DNAH7: variants seen among roughly 807,000 people sequenced by gnomAD.
DNAH7 encodes dynein axonemal heavy chain 7.
Under a neutral mutation model 444.6 loss-of-function variants are expected in DNAH7, and 397 were observed. The observed-to-expected ratio is 0.89, with a 90% confidence interval of 0.82 to 0.97. The LOEUF (loss-of-function observed/expected upper bound fraction) is 0.97, where lower values mean the gene tolerates loss of function less well. DNAH7 is among the 50% of genes least tolerant of loss of function. DNAH7 has a pLI of 0.00. For missense variants in DNAH7, 4,902 were observed against 4,800.8 expected, an observed-to-expected ratio of 1.02 and a Z score of -0.62; for synonymous variants, 1,636 against 1,624.4, an observed-to-expected ratio of 1.01 and a Z score of -0.17.
At chr2:195,834,459 T>C in intron 47 of DNAH7, 99 bp from the exon 48 acceptor site, 1 of 1,287,100 alleles carries the variant, frequency 7.8e-7, no homozygotes, top group Non-Finnish European at 1.0e-6. Flanking sequence ...AAGTTTGCCC[T>C]TTATTGTAAT....
chr2:195,896,558 T>TAGA (rs536957037), intron 29 of DNAH7, among the ~76,000 whole-genome samples: 57 of 152,326 alleles, frequency 3.7e-4, no homozygotes, highest in African/African-American at 1.3e-3. Flanking sequence ...AATGGCAGCG[T>TAGA]AGAAGCAAGT....
chr2:195,817,904 T>C (rs1697298093), intron 49 of DNAH7, 75 bp from the exon 50 acceptor site: 2 of 1,212,728 alleles, frequency 1.6e-6, no homozygotes, highest in South Asian at 3.2e-5. Context: ...TGTCAAGTTC[T>C]GCCCTTAAAA....
At chr2:195,920,207 A>T (rs1687941216) in intron 24 of DNAH7, among the ~76,000 whole-genome samples, 1 of 152,214 alleles carries the variant, frequency 6.6e-6, no homozygotes, top group South Asian at 2.1e-4. Context: ...ACTAGAAAAA[A>T]AAATCCTAAA....
At chr2:195,766,028 T>G (rs1694559271) in intron 61 of DNAH7, among the ~76,000 whole-genome samples, 1 of 151,846 alleles carries the variant, frequency 6.6e-6, no homozygotes, top group Non-Finnish European at 1.5e-5. Context: ...TACACAACAG[T>G]GTATTATTCA....
rs1385842578 is a variant in DNAH7, at chr2:195,876,571, A to C, written c.6090T>G (p.Val2030=). The C allele has an allele frequency of 3.1e-6, 5 of 1,613,928 alleles. No individual in the cohort carries two copies. ...MSKLDKRRKG[V]FGPPLGKRMV... ...TTCTCTTGCCCAAAGGAGGACCAAA[A>C]ACTCCCTTTCTTCTCTTGTCCAATT... Residue 2030 remains valine (V), a synonymous_variant, in exon 37 of 65, where the codon GTT becomes GTG. Transcript: ENST00000312428.
chr2:195,989,226 A>T (rs1693135281), intron 12 of DNAH7, among the ~76,000 whole-genome samples: 1 of 152,178 alleles, frequency 6.6e-6, no homozygotes, highest in African/African-American at 2.4e-5. Flanking sequence ...GCTGTATCAT[A>T]TGGTTGTACT....
At chr2:196,031,314 C>T (rs1021313894) in intron 5 of DNAH7, among the ~76,000 whole-genome samples, 58 of 152,216 alleles carry the variant, frequency 3.8e-4, no homozygotes, top group Non-Finnish European at 1.3e-4. Context: ...CACGGGGACC[C>T]TGGGCCTGGC....
At chr2:195,967,242 T>G (rs1347048540) in intron 17 of DNAH7, among the ~76,000 whole-genome samples, 1 of 152,174 alleles carries the variant, frequency 6.6e-6, no homozygotes, top group Non-Finnish European at 1.5e-5. Flanking sequence ...AATTTAAAAA[T>G]CTACACTTTG....
chr2:195,931,829 TGTA>T (rs767193270), intron 21 of DNAH7, among the ~76,000 whole-genome samples: 98 of 152,212 alleles, frequency 6.4e-4, no homozygotes, highest in Non-Finnish European at 1.1e-3. Flanking sequence ...ACTGTAGCCT[TGTA>T]GTATAGTTTG....
chr2:195,817,666 A>C (rs1212355712), intron 50 of DNAH7, 30 bp downstream of exon 50: 1 of 1,567,476 alleles, frequency 6.4e-7, no homozygotes, highest in African/African-American at 1.4e-5. Context: ...AGAAACAAAT[A>C]AGAATAGTTC....
At chr2:195,835,576 T>C (rs2124964931) in intron 47 of DNAH7, among the ~76,000 whole-genome samples, 1 of 152,270 alleles carries the variant, frequency 6.6e-6, no homozygotes, top group South Asian at 2.1e-4. Flanking sequence ...CCGGGTGCGG[T>C]AGCTCATGCC....
At chr2:195,994,887 C>T in intron 12 of DNAH7, 1 of 395,404 alleles carries the variant, frequency 2.5e-6, no homozygotes, top group Non-Finnish European at 4.9e-6. Context: ...GACATTGGGC[C>T]AGCATGTCCT....
chr2:195,848,301 G>A (rs1441582520), intron 46 of DNAH7, among the ~76,000 whole-genome samples: 1 of 152,164 alleles, frequency 6.6e-6, no homozygotes, highest in Non-Finnish European at 1.5e-5. Context: ...CCCACAACTG[G>A]GTCTGTATGG....
intron 1 of DNAH7, among the ~76,000 whole-genome samples, chr2:196,062,886 G>GTTTTT (rs1353648209): frequency 8.6e-5 from 13 of 152,010 alleles, no homozygotes; most frequent in African/African-American, 2.9e-4. Flanking sequence ...TTTTGTTTTT[G>GTTTTT]TTTTTTGTTT....
At chr2:195,930,428 C>A (rs1688614770) in intron 21 of DNAH7, among the ~76,000 whole-genome samples, 1 of 152,104 alleles carries the variant, frequency 6.6e-6, no homozygotes, top group South Asian at 2.1e-4. Flanking sequence ...ATGAAAAATG[C>A]TCCACATCAC....
At chr2:196,029,356 C>T (rs1467023397) in intron 5 of DNAH7, among the ~76,000 whole-genome samples, 1 of 151,998 alleles carries the variant, frequency 6.6e-6, no homozygotes, top group Non-Finnish European at 1.5e-5. Flanking sequence ...TGAATAACGC[C>T]TGCCTAGAAA....
intron 53 of DNAH7, among the ~76,000 whole-genome samples, chr2:195,807,532 C>A (rs1696770167): frequency 6.6e-6 from 1 of 152,086 alleles, no homozygotes; most frequent in African/African-American, 2.4e-5. Context: ...TATTTCAAAA[C>A]AAGTAAAAAG....
intron 19 of DNAH7, among the ~76,000 whole-genome samples, chr2:195,948,323 G>T (rs147637010): frequency 0.094 from 14,229 of 152,100 alleles, 731 homozygotes; most frequent in African/African-American, 0.13. Flanking sequence ...ATTTTGGCTT[G>T]TGTTGCCATT....
At position 195,857,378 on chromosome 2, in the gene DNAH7, TATC is replaced by T. The variant is rs757277577; in HGVS notation, c.8410_8412del (p.Asp2804del). On this transcript the variant is annotated inframe_deletion and splice_region_variant, in exon 44 of 65. Transcript: ENST00000312428. ...GGATTTCTTTTTATCAGCACTTACT[TATC>T]ATATGAATCCATTGCTATGACCCAT... 1.9e-6 allele frequency: 3 copies of T among 1,561,864 alleles called. No individual in the cohort carries two copies. In the Admixed American group the frequency reaches 6.0e-5, roughly 31 times the overall value.
Sources: allele counts gnomAD v4.1 joint callset (sites outside exome capture counted in the v4.1 genomes callset), GRCh38; gene constraint gnomAD v4.1.1; transcripts MANE v1.5; gene names NCBI Gene and HGNC (gene_info 2026-07-23, HGNC 2026-07-21).